The following PTH2R variants were observed in gnomAD, a reference collection of about 807,000 sequenced individuals.
PTH2R encodes the protein parathyroid hormone 2 receptor, also known as PTH2 receptor.
PTH2R carries 59 observed loss-of-function variants against 60.3 expected under a neutral mutation model. The ratio of observed to expected loss-of-function variants is 0.98; its 90% CI spans 0.79 to 1.22. The LOEUF (loss-of-function observed/expected upper bound fraction) is 1.22, where lower values mean the gene tolerates loss of function less well. Ranked by LOEUF, PTH2R falls within the 50% of genes most tolerant of loss-of-function variation. The pLI is 0.00. For synonymous variants in PTH2R, 256 were observed against 243.8 expected, an observed-to-expected ratio of 1.05 and a Z score of -0.47; for missense variants, 749 against 682.6, an observed-to-expected ratio of 1.10 and a Z score of -1.08.
chr2:208,400,485 C>A (rs906999772), intron 1 of PTH2R, among the ~76,000 whole-genome samples: 1 of 152,092 alleles, frequency 6.6e-6, no homozygotes, highest in African/African-American at 2.4e-5. Flanking sequence ...ATTAGAATGT[C>A]TTTTTCAGAT....
At chr2:208,376,625 TTAAG>T (rs1700796430) in intron 1 of PTH2R, among the ~76,000 whole-genome samples, 1 of 152,070 alleles carries the variant, frequency 6.6e-6, no homozygotes, top group African/African-American at 2.4e-5. Flanking sequence ...GCCCACACAA[TTAAG>T]TAATAAGAGT....
At chr2:208,416,692 G>A (rs1701648096) in intron 1 of PTH2R, among the ~76,000 whole-genome samples, 1 of 152,220 alleles carries the variant, frequency 6.6e-6, no homozygotes, top group Admixed American at 6.5e-5. Flanking sequence ...TTGAGTCAGT[G>A]GGCTGGGAAA....
intron 1 of PTH2R, among the ~76,000 whole-genome samples, chr2:208,381,352 T>C (rs1439407652): frequency 2.6e-5 from 4 of 152,158 alleles, no homozygotes; most frequent in Non-Finnish European, 5.9e-5. Flanking sequence ...TTGTCAGAAT[T>C]GATATAATAC....
exon 1 of PTH2R, chr2:208,359,826 G>A (rs1700407155): frequency 6.3e-6 from 1 of 158,138 alleles, no homozygotes; most frequent in Non-Finnish European, 1.4e-5. Flanking sequence ...TTCCTGCAGG[G>A]GAAGGCGAGG....
intron 1 of PTH2R, among the ~76,000 whole-genome samples, chr2:208,372,399 C>A (rs1700717950): frequency 6.6e-6 from 1 of 152,038 alleles, no homozygotes; most frequent in Non-Finnish European, 1.5e-5. Flanking sequence ...CAATTTAAGA[C>A]TATTCTAGGT....
At chr2:208,380,716 A>G (rs1700897319) in intron 1 of PTH2R, among the ~76,000 whole-genome samples, 1 of 151,998 alleles carries the variant, frequency 6.6e-6, no homozygotes, top group Non-Finnish European at 1.5e-5. Flanking sequence ...GTCTTCACCC[A>G]GGTGTTGTGG....
intron 1 of PTH2R, among the ~76,000 whole-genome samples, chr2:208,367,424 CTTT>C (rs141555131): frequency 5.4e-5 from 7 of 129,010 alleles, no homozygotes; most frequent in South Asian, 2.4e-4. Flanking sequence ...TTTTCTCTTT[CTTT>C]TTTTTTTTTT....
intron 1 of PTH2R, among the ~76,000 whole-genome samples, chr2:208,370,075 T>G (rs1700665347): frequency 6.6e-6 from 1 of 152,022 alleles, no homozygotes; most frequent in South Asian, 2.1e-4. Context: ...AGAGAGGAGC[T>G]TGTACAATCA....
intron 2 of PTH2R, among the ~76,000 whole-genome samples, chr2:208,428,669 A>G (rs956278043): frequency 2.6e-5 from 4 of 152,230 alleles, no homozygotes; most frequent in Admixed American, 2.6e-4. Flanking sequence ...CATTGCCTCT[A>G]TTATAAAATA....
intron 8 of PTH2R, among the ~76,000 whole-genome samples, chr2:208,456,032 G>C (rs1232074824): frequency 6.6e-6 from 1 of 152,022 alleles, no homozygotes; most frequent in Non-Finnish European, 1.5e-5. Flanking sequence ...TGAGGCCAGG[G>C]GTTCAAGACC....
intron 1 of PTH2R, among the ~76,000 whole-genome samples, chr2:208,362,954 A>G (rs1700507834): frequency 1.3e-5 from 2 of 152,054 alleles, no homozygotes; most frequent in Non-Finnish European, 2.9e-5. Flanking sequence ...GCATCCTTCC[A>G]TATGCTTGTT....
intron 5 of PTH2R, 118 bp downstream of exon 5, chr2:208,442,579 C>A (rs1702208729): frequency 1.3e-6 from 1 of 771,044 alleles, no homozygotes; most frequent in African/African-American, 1.7e-5. Context: ...TTTTTGAATT[C>A]AGCCTAATGT....
At chr2:208,489,232 A>G in intron 11 of PTH2R, 82 bp downstream of exon 11, 1 of 1,548,438 alleles carries the variant, frequency 6.5e-7, no homozygotes, top group Non-Finnish European at 8.8e-7. Flanking sequence ...TTTTCTCTGC[A>G]CTCTCTCTGG....
chr2:208,451,656 T>G (rs1261544400), intron 8 of PTH2R, among the ~76,000 whole-genome samples: 1 of 152,196 alleles, frequency 6.6e-6, no homozygotes, highest in African/African-American at 2.4e-5. Context: ...GCATCCCATT[T>G]GTTACCATAT....
intron 8 of PTH2R, among the ~76,000 whole-genome samples, chr2:208,452,492 A>G (rs1186662423): frequency 2.0e-5 from 3 of 152,142 alleles, no homozygotes; most frequent in African/African-American, 7.2e-5. Context: ...AGCTTATAAT[A>G]TTTTGATTTT....
chr2:208,361,958 G>C (rs1348458159), intron 1 of PTH2R, among the ~76,000 whole-genome samples: 1 of 152,196 alleles, frequency 6.6e-6, no homozygotes, highest in Non-Finnish European at 1.5e-5. Flanking sequence ...TTCCAGAAGA[G>C]ATTAGCATTT....
chr2:208,386,654 G>T (rs544759359), intron 1 of PTH2R, among the ~76,000 whole-genome samples: 1 of 152,280 alleles, frequency 6.6e-6, no homozygotes, highest in African/African-American at 2.4e-5. Flanking sequence ...GAAATCCAAG[G>T]TCAAGATTAG....
At chr2:208,450,015 A>AT (rs889719658) in intron 7 of PTH2R, among the ~76,000 whole-genome samples, 3 of 152,174 alleles carry the variant, frequency 2.0e-5, no homozygotes, top group African/African-American at 7.2e-5. Context: ...ATGGTTCATG[A>AT]TTTTTTTGTG....
intron 9 of PTH2R, among the ~76,000 whole-genome samples, chr2:208,477,233 G>A (rs574663328): frequency 2.9e-4 from 44 of 152,200 alleles, no homozygotes; most frequent in South Asian, 1.0e-3. Flanking sequence ...TAGTGAGTGA[G>A]ACTAACATTT....
Sources: gnomAD v4.1 joint callset for allele counts (sites outside exome capture counted in the v4.1 genomes callset) on GRCh38, gnomAD v4.1.1 for gene constraint, MANE v1.5 for transcripts, NCBI Gene and HGNC (gene_info 2026-07-23, HGNC 2026-07-21) for gene names.